RBFOX1: variants seen among roughly 807,000 people sequenced by gnomAD.
The protein encoded by RBFOX1 is RNA binding protein fox-1 homolog 1.
RBFOX1 carries 8 observed loss-of-function variants against 57.7 expected under a neutral mutation model. That is an observed-to-expected ratio of 0.14 (90% CI 0.08 to 0.25). RBFOX1 has a LOEUF of 0.25. RBFOX1 is among the 10% of genes least tolerant of loss of function. The pLI is 1.00. For synonymous variants in RBFOX1, 326 were observed against 222.4 expected (o/e 1.47, Z -4.15); for missense variants, 611 against 548.5 (o/e 1.11, Z -1.14).
At chr16:5,295,968 A>T (rs2063656946) in intron 1 of RBFOX1, among the ~76,000 whole-genome samples, 1 of 152,230 alleles carries the variant, frequency 6.6e-6, no homozygotes, top group Non-Finnish European at 1.5e-5. Flanking sequence ...GGACTTCATA[A>T]ATATTAACTT....
chr16:5,532,999 C>T (rs1191290138), intron 2 of RBFOX1, among the ~76,000 whole-genome samples: 1 of 151,928 alleles, frequency 6.6e-6, no homozygotes, highest in Non-Finnish European at 1.5e-5. Context: ...TAAATTATAC[C>T]CTCCTAATTT....
At chr16:7,700,408 A>G (rs1419334558) in intron 14 of RBFOX1, among the ~76,000 whole-genome samples, 1 of 152,192 alleles carries the variant, frequency 6.6e-6, no homozygotes, top group Admixed American at 6.5e-5. Context: ...CTTAGCAAGA[A>G]GTAACAGTCA....
intron 14 of RBFOX1, among the ~76,000 whole-genome samples, chr16:7,702,502 G>C (rs2081077974): frequency 6.6e-6 from 1 of 152,124 alleles, no homozygotes; most frequent in South Asian, 2.1e-4. Context: ...TGGTTGAGTT[G>C]GAAAACATAA....
chr16:6,600,016 G>C (rs916596252), intron 2 of RBFOX1, among the ~76,000 whole-genome samples: 1 of 152,150 alleles, frequency 6.6e-6, no homozygotes. Context: ...CCAAAGCCCA[G>C]ATAACTGCAA....
intron 2 of RBFOX1, among the ~76,000 whole-genome samples, chr16:6,425,815 A>G (rs1483890045): frequency 1.3e-5 from 2 of 152,066 alleles, no homozygotes; most frequent in African/African-American, 2.4e-5. Context: ...TTTAATCACC[A>G]TTACTCTTTT....
intron 4 of RBFOX1, among the ~76,000 whole-genome samples, chr16:7,214,403 A>T (rs181743721): frequency 7.1e-4 from 108 of 151,880 alleles, no homozygotes; most frequent in Admixed American, 3.8e-3. Flanking sequence ...GTCCTCCTTA[A>T]TTCCTCTCTC....
chr16:5,613,510 A>C (rs2047901115), intron 3 of RBFOX1, among the ~76,000 whole-genome samples: 1 of 152,128 alleles, frequency 6.6e-6, no homozygotes, highest in Non-Finnish European at 1.5e-5. Context: ...TCTAAAACTG[A>C]GGGCAGAGGG....
chr16:5,864,874 C>T (rs544644497), intron 3 of RBFOX1, among the ~76,000 whole-genome samples: 246 of 152,326 alleles, frequency 1.6e-3, no homozygotes, highest in African/African-American at 5.8e-3. Context: ...CTGTCTCTCC[C>T]ACTATAGGTG....
intron 3 of RBFOX1, among the ~76,000 whole-genome samples, chr16:6,746,842 T>G (rs2073783554): frequency 6.6e-6 from 1 of 152,160 alleles, no homozygotes; most frequent in Non-Finnish European, 1.5e-5. Flanking sequence ...AATGTGAGAT[T>G]TTATTAAGCA....
At chr16:7,541,726 G>T (rs180801135) in intron 5 of RBFOX1, among the ~76,000 whole-genome samples, 10 of 152,320 alleles carry the variant, frequency 6.6e-5, no homozygotes, top group Non-Finnish European at 1.2e-4. Flanking sequence ...CATGCAAGCA[G>T]CCATGCTTTC....
chr16:5,784,350 C>G (rs530505841), intron 3 of RBFOX1, among the ~76,000 whole-genome samples: 2 of 152,218 alleles, frequency 1.3e-5, no homozygotes, highest in African/African-American at 4.8e-5. Flanking sequence ...TGGCGTGAAC[C>G]CAGGAGGCGG....
At chr16:6,984,463 A>G (rs1455600026) in intron 3 of RBFOX1, among the ~76,000 whole-genome samples, 1 of 152,078 alleles carries the variant, frequency 6.6e-6, no homozygotes, top group East Asian at 1.9e-4. Flanking sequence ...ATCCCTATGG[A>G]TGAAGCCACT....
At chr16:7,596,595 T>C (rs2094712820) in intron 8 of RBFOX1, among the ~76,000 whole-genome samples, 1 of 152,082 alleles carries the variant, frequency 6.6e-6, no homozygotes, top group South Asian at 2.1e-4. Context: ...CATATATATA[T>C]ATACCACGTG....
At chr16:6,678,035 C>T (rs1280997988) in intron 3 of RBFOX1, among the ~76,000 whole-genome samples, 1 of 152,116 alleles carries the variant, frequency 6.6e-6, no homozygotes, top group East Asian at 1.9e-4. Context: ...TGAGAAGAAA[C>T]AGCTGAAATT....
intron 1 of RBFOX1, among the ~76,000 whole-genome samples, chr16:5,383,971 C>A (rs1333151688): frequency 6.6e-6 from 1 of 152,172 alleles, no homozygotes. Context: ...GCATTCTCCT[C>A]CATGCTGGCT....
chr16:6,767,226 C>A lies in RBFOX1; in HGVS notation c.-16+112576C>A, dbSNP rs141939373. Among the ~76,000 whole-genome samples, 8 of 152,154 alleles carry A rather than the reference C, an allele frequency of 5.3e-5. No homozygotes were observed. The East Asian group carries it at 9.7e-4, about 19-fold the overall frequency. On this transcript the variant is annotated intron_variant, in intron 3 of 15. Transcript: ENST00000550418. ...CAGCTGGCATAACTCCAATTCCCAG[C>A]CACAGGGACTGGCTCCTAGATGACC...
chr16:5,736,358 T>G (rs959901329), intron 3 of RBFOX1, among the ~76,000 whole-genome samples: 7 of 152,138 alleles, frequency 4.6e-5, no homozygotes, highest in Non-Finnish European at 8.8e-5. Flanking sequence ...CCTCCCATCT[T>G]TTTTACTTTC....
At position 6,676,902 on chromosome 16, in the gene RBFOX1, T is replaced by G. The variant is rs183061996; in HGVS notation, c.-16+22252T>G. On this transcript the variant is annotated intron_variant, in intron 3 of 15. Transcript: ENST00000550418. ...TGTTGGCCATGCTGGTTTTGAACCC[T>G]TGACCTCAGGTGATCTGCCCACCTC... 8.8e-3 allele frequency among the ~76,000 whole-genome samples: 1,340 copies of G among 152,034 alleles called. 20 individuals are homozygous for G. The highest frequency in any genetic ancestry group is 0.031 in the African/African-American group (1,275 of 41,488).
intron 3 of RBFOX1, among the ~76,000 whole-genome samples, chr16:6,960,410 C>T (rs564401889): frequency 2.0e-5 from 3 of 152,216 alleles, no homozygotes; most frequent in Admixed American, 1.3e-4. Context: ...TGATATTTCC[C>T]AGGCCTTCTC....
Sources: gnomAD v4.1 joint callset for allele counts (sites outside exome capture counted in the v4.1 genomes callset) on GRCh38, gnomAD v4.1.1 for gene constraint, MANE v1.5 for transcripts, NCBI Gene and HGNC (gene_info 2026-07-23, HGNC 2026-07-21) for gene names.